Variants in KRABD5 observed in about 807,000 individuals in gnomAD.
KRABD5 encodes KRAB domain-containing protein 5.
At chr16:31,746,118 T>C in the KRABD5 span, among the ~76,000 whole-genome samples, 3 of 152,224 alleles carry the variant, frequency 2.0e-5, no homozygotes, top group Non-Finnish European at 4.4e-5. Flanking sequence ...CCATTTATAT[T>C]TAAGGTTAGT....
At chr16:31,731,843 G>A in the KRABD5 span, among the ~76,000 whole-genome samples, 3 of 152,146 alleles carry the variant, frequency 2.0e-5, no homozygotes, top group Admixed American at 1.3e-4. Flanking sequence ...TTCCCATTTG[G>A]GTCAGTGTTG....
chr16:31,753,814 A>G, the KRABD5 span: 1 of 1,546,256 alleles, frequency 6.5e-7, no homozygotes, highest in Non-Finnish European at 8.7e-7. Flanking sequence ...AAGCTTATAG[A>G]AGCATCATTC....
chr16:31,724,553 G>A, the KRABD5 span, among the ~76,000 whole-genome samples: 24 of 152,086 alleles, frequency 1.6e-4, no homozygotes, highest in Admixed American at 3.3e-4. Context: ...TTAGCCGGGC[G>A]TGGTGGCGGG....
the KRABD5 span, chr16:31,761,098 A>G: frequency 2.6e-5 from 4 of 152,182 alleles, no homozygotes; most frequent in Non-Finnish European, 4.4e-5. Context: ...TAGACTAGTT[A>G]CTTGACTTGG....
chr16:31,755,713 T>G, the KRABD5 span: 4 of 396,122 alleles, frequency 1.0e-5, no homozygotes, highest in South Asian at 7.5e-5. Context: ...CTAGAGAATT[T>G]CTATAGTTGT....
At chr16:31,723,559 G>A in the KRABD5 span, among the ~76,000 whole-genome samples, 1 of 152,140 alleles carries the variant, frequency 6.6e-6, no homozygotes, top group Non-Finnish European at 1.5e-5. Context: ...TTACCCTTCT[G>A]TGATCCACCA....
the KRABD5 span, chr16:31,759,232 G>A: frequency 2.8e-6 from 3 of 1,061,598 alleles, no homozygotes; most frequent in Non-Finnish European, 4.0e-6. Flanking sequence ...ATAGCTTTTA[G>A]AACAAAATAC....
At chr16:31,721,454 A>T in the KRABD5 span, among the ~76,000 whole-genome samples, 1 of 151,538 alleles carries the variant, frequency 6.6e-6, no homozygotes, top group African/African-American at 2.4e-5. Context: ...CTGGGGTAAA[A>T]TAATAAATAA....
At chr16:31,756,092 C>CT in the KRABD5 span, 1 of 153,922 alleles carries the variant, frequency 6.5e-6, no homozygotes, top group East Asian at 1.9e-4. Flanking sequence ...GTTGTTATAC[C>CT]TTAATGCCTA....
At chr16:31,725,983 C>T in the KRABD5 span, among the ~76,000 whole-genome samples, 22 of 152,074 alleles carry the variant, frequency 1.4e-4, no homozygotes, top group Admixed American at 1.1e-3. Flanking sequence ...GATGTAGTCC[C>T]GCTTGTTTTT....
the KRABD5 span, among the ~76,000 whole-genome samples, chr16:31,725,270 C>A: frequency 6.6e-6 from 1 of 152,142 alleles, no homozygotes; most frequent in Admixed American, 6.5e-5. Context: ...CTTGTGCCAC[C>A]CCGCCTGGCT....
the KRABD5 span, among the ~76,000 whole-genome samples, chr16:31,736,067 G>T: frequency 2.0e-5 from 3 of 152,220 alleles, no homozygotes; most frequent in South Asian, 6.2e-4. Flanking sequence ...TTTTGAGTTG[G>T]TTTTTGTATA....
At chr16:31,758,781 A>T in the KRABD5 span, 1 of 152,158 alleles carries the variant, frequency 6.6e-6, no homozygotes, top group Non-Finnish European at 1.5e-5. Flanking sequence ...TCTCAAAAAA[A>T]AAAAAAGAAA....
At chr16:31,722,368 C>T in the KRABD5 span, among the ~76,000 whole-genome samples, 6 of 152,106 alleles carry the variant, frequency 3.9e-5, no homozygotes, top group Admixed American at 3.3e-4. Flanking sequence ...CGCCCGGCCT[C>T]GATGCCTTAG....
At chr16:31,750,826 G>A in the KRABD5 span, among the ~76,000 whole-genome samples, 1 of 151,964 alleles carries the variant, frequency 6.6e-6, no homozygotes, top group African/African-American at 2.4e-5. Context: ...CCCCAGGCTG[G>A]AGTGCTCACT....
the KRABD5 span, chr16:31,723,136 C>A: frequency 1.9e-6 from 2 of 1,049,434 alleles, no homozygotes; most frequent in Non-Finnish European, 2.7e-6. Flanking sequence ...TGACAGGAAA[C>A]AGTATTTGGG....
At chr16:31,722,875 G>GA in the KRABD5 span, 1 of 1,107,048 alleles carries the variant, frequency 9.0e-7, no homozygotes. Flanking sequence ...CCTGTTTCCA[G>GA]GAAAAAAAAA....
the KRABD5 span, among the ~76,000 whole-genome samples, chr16:31,727,682 A>G: frequency 3.3e-5 from 5 of 151,798 alleles, no homozygotes; most frequent in Admixed American, 3.3e-4. Flanking sequence ...CTCCTTTCTT[A>G]TTATTGGTCT....
chr16:31,743,697 A>T, the KRABD5 span, among the ~76,000 whole-genome samples: 1 of 152,176 alleles, frequency 6.6e-6, no homozygotes, highest in South Asian at 2.1e-4. Flanking sequence ...TATTTAATCT[A>T]TAAATTACTT....
Sources: allele counts gnomAD v4.1 joint callset (sites outside exome capture counted in the v4.1 genomes callset), GRCh38; gene constraint gnomAD v4.1.1; transcripts MANE v1.5; gene names NCBI Gene and HGNC (gene_info 2026-07-23, HGNC 2026-07-21).